The following RPH3AL variants were observed in gnomAD, a reference collection of about 807,000 sequenced individuals.
RPH3AL encodes rab effector Noc2.
In RPH3AL, 38 loss-of-function variants were observed where a neutral mutation model predicts 43.1. That is an observed-to-expected ratio of 0.88 (90% confidence interval 0.68 to 1.15). RPH3AL has a LOEUF of 1.15. RPH3AL is among the 50% of genes most tolerant of loss of function. The pLI is 0.00. For synonymous variants in RPH3AL, 189 were observed against 176.3 expected (o/e 1.07, Z -0.57); for missense variants, 462 against 423.2 (o/e 1.09, Z -0.81).
chr17:285,019 T>C lies in RPH3AL; in HGVS notation c.352-3165A>G, dbSNP rs62052706. 9.9e-5 allele frequency among the ~76,000 whole-genome samples: 15 copies of C among 152,118 alleles called. 1 individual carries two copies. The highest frequency in any genetic ancestry group is 1.6e-4 in the Non-Finnish European group (11 of 68,026). On this transcript the variant is annotated intron_variant, in intron 5 of 9. Transcript: ENST00000331302. ...TCTGATCCCTCCCAAAGCCCCCATCTCCAAATATCACATCTGCGTGACGGC... is the reference window on the plus strand; with the variant it reads ...TCTGATCCCTCCCAAAGCCCCCATCCCCAAATATCACATCTGCGTGACGGC...
In RPH3AL at chr17:213,823, A is replaced by C; in HGVS notation, c.*29T>G. On this transcript the variant is annotated 3_prime_UTR_variant, in exon 10 of 10. Coordinates refer to ENST00000331302, the MANE Select transcript of RPH3AL (RefSeq NM_006987.4). ...GCAGGGTCTGGCAGGAATCCTCCAC[A>C]GGGAAGTCTGTTCCAGGCACCAGAC... is the stretch of plus-strand genomic sequence containing the variant. 6.3e-7 allele frequency: 1 copy of C among 1,595,466 alleles called. No individual in the cohort carries two copies.
intron 5 of RPH3AL, among the ~76,000 whole-genome samples, chr17:292,152 CCCA>C (rs1250958079): frequency 2.0e-5 from 3 of 152,130 alleles, no homozygotes; most frequent in Non-Finnish European, 4.4e-5. Context: ...CCTGTGCACC[CCCA>C]CAGCGGGTCC....
Position 333,159 on chromosome 17 carries a change from CGGG to C in RPH3AL, c.-37+597_-37+599del. 1 of 1,195,460 alleles carries C rather than the reference CGGG, an allele frequency of 8.4e-7. No homozygotes were observed. The highest frequency in any genetic ancestry group is 1.1e-6 in the Non-Finnish European group (1 of 944,720). 74.1% of individuals were successfully genotyped at this position (1,195,460 alleles called of 1,614,324 possible). On this transcript the variant is annotated intron_variant, in intron 2 of 9. Transcript: ENST00000331302. This position sits in a 1 kb window ranked among gnomAD's most constrained non-coding sequence, Gnocchi z 4.5. ...AGACGGCCATTAGAGCTCACCACCC[CGGG>C]CGTTCGTCACTGCAGACATCACTGC...
chr17:257,998 G>A (rs539004029), intron 6 of RPH3AL, among the ~76,000 whole-genome samples: 1 of 152,136 alleles, frequency 6.6e-6, no homozygotes, highest in Admixed American at 6.5e-5. Context: ...GAGGGGAGCC[G>A]CACGGCATCT....
rs59335902 is a variant in RPH3AL at position 323,463 on chromosome 17, C to T, written c.78-2048G>A. Among the ~76,000 whole-genome samples, 1,339 of 152,272 alleles carry T rather than the reference C, an allele frequency of 8.8e-3. 20 individuals are homozygous for T. The highest frequency in any genetic ancestry group is 0.03 in the African/African-American group (1,234 of 41,554). On this transcript the variant is annotated intron_variant, in intron 3 of 9. Coordinates refer to ENST00000331302, the MANE Select transcript of RPH3AL (RefSeq NM_006987.4). This position sits in a 1 kb window ranked among gnomAD's most constrained non-coding sequence, Gnocchi z 4.4. ...TTCAGGCCCCAAAAAGCAATATCCC[C>T]TCCACAACCCCTACCTACTGGTTTG...
rs2044670309 is a variant in RPH3AL at position 328,522 on chromosome 17, A to G, written c.-36-943T>C. ...TCCTCAAAATGTTGAACACAGACTT[A>G]CCATATGACCCAGAAACTCTACTCC... On this transcript the variant is annotated intron_variant, in intron 2 of 9. Transcript: ENST00000331302. This position sits in a 1 kb window ranked among gnomAD's most constrained non-coding sequence, Gnocchi z 4.2. Among the ~76,000 whole-genome samples, 1 of 151,926 alleles carries G rather than the reference A, an allele frequency of 6.6e-6. No homozygotes were observed. Among genetic ancestry groups the G allele is most frequent in the Non-Finnish European group, 1.5e-5 (1 of 67,998 alleles).
intron 7 of RPH3AL, among the ~76,000 whole-genome samples, chr17:237,751 T>C (rs11150893): frequency 0.6 from 90,715 of 152,078 alleles, 27,811 homozygotes; most frequent in African/African-American, 0.73. Flanking sequence ...ATGGTAAAAC[T>C]TCATGAATCC....
At chr17:302,398 C>T (rs72806048) in intron 5 of RPH3AL, among the ~76,000 whole-genome samples, 6,438 of 152,250 alleles carry the variant, frequency 0.042, 205 homozygotes, top group South Asian at 0.094. Flanking sequence ...GTCCGTCCTT[C>T]GATTTACACA....
intron 7 of RPH3AL, among the ~76,000 whole-genome samples, chr17:220,556 G>T (rs200213043): frequency 5.1e-4 from 8 of 15,652 alleles, no homozygotes; most frequent in Non-Finnish European, 6.7e-4. Flanking sequence ...CAGCTCTGAG[G>T]CCTCCACTCA....
At chr17:285,972 T>C (rs1444763860) in intron 5 of RPH3AL, among the ~76,000 whole-genome samples, 1 of 152,178 alleles carries the variant, frequency 6.6e-6, no homozygotes, top group East Asian at 1.9e-4. Flanking sequence ...AGGACACGGA[T>C]GAACAGGGTG....
chr17:277,614 C>G (rs369115456), intron 6 of RPH3AL, among the ~76,000 whole-genome samples: 1 of 152,134 alleles, frequency 6.6e-6, no homozygotes, highest in African/African-American at 2.4e-5. Context: ...ATTCTGTCTC[C>G]GCTTTACTCA....
intron 5 of RPH3AL, among the ~76,000 whole-genome samples, chr17:305,428 T>C (rs912123938): frequency 6.6e-6 from 1 of 152,014 alleles, no homozygotes; most frequent in Non-Finnish European, 1.5e-5. Context: ...TACTCCACCC[T>C]GGAGGCCCAG....
intron 6 of RPH3AL, among the ~76,000 whole-genome samples, chr17:279,101 C>A (rs1257224502): frequency 6.6e-6 from 1 of 152,196 alleles, no homozygotes; most frequent in African/African-American, 2.4e-5. Context: ...ATTTTCATCA[C>A]AGACTCAGAA....
intron 8 of RPH3AL, 21 bp downstream of exon 8, chr17:219,602 G>GC (rs1346673955): frequency 7.3e-7 from 1 of 1,362,220 alleles, no homozygotes; most frequent in Admixed American, 1.9e-5. Flanking sequence ...CCAATAAGCA[G>GC]CATTTCACTC....
At chr17:321,599 GAGACGGCCCAGGTGGCAA>G (rs2044478063) in intron 3 of RPH3AL, 184 bp from the exon 4 acceptor site, 4 of 508,094 alleles carry the variant, frequency 7.9e-6, no homozygotes, top group South Asian at 3.1e-5. Flanking sequence ...GGTGGCAACA[GAGACGGCCCAGGTGGCAA>G]CAGAGACGGC....
Position 281,809 on chromosome 17 carries a change from G to GC in RPH3AL, c.396dup (p.Arg133AlafsTer7). On this transcript the variant is annotated frameshift_variant, in exon 6 of 10. Coordinates refer to ENST00000331302, the MANE Select transcript of RPH3AL (RefSeq NM_006987.4). LOFTEE classifies it high-confidence loss of function. ...CAGATCTTACACAGCCACAGGGGCC[G>GC]CTTCTGGCCAGGGGAGGCCTCGATC... 6.2e-7 allele frequency: 1 copy of GC among 1,614,062 alleles called. No homozygotes were observed. Among genetic ancestry groups the GC allele is most frequent in the Non-Finnish European group, 8.5e-7 (1 of 1,180,010 alleles).
At chr17:236,884 G>A (rs1044854595) in intron 7 of RPH3AL, among the ~76,000 whole-genome samples, 6 of 152,406 alleles carry the variant, frequency 3.9e-5, no homozygotes, top group Admixed American at 3.9e-4. Context: ...GGTTTTGGAA[G>A]CCGGGATCCT....
Position 323,362 on chromosome 17 carries a change from G to C in RPH3AL, c.78-1947C>G, listed in dbSNP as rs1326795911. Among the ~76,000 whole-genome samples the C allele has an allele frequency of 6.6e-6, 1 of 152,184 alleles. No individual in the cohort carries two copies. The highest frequency in any genetic ancestry group is 1.5e-5 in the Non-Finnish European group (1 of 68,032). ...GGGGCAGCAGGGCAGGGCTGGAAGG[G>C]GGGCAAGGCCAGTAGAGTGGGCAGC... On this transcript the variant is annotated intron_variant, in intron 3 of 9. Transcript: ENST00000331302. This position sits in a 1 kb window ranked among gnomAD's most constrained non-coding sequence, Gnocchi z 4.4.
Position 283,232 on chromosome 17 carries a change from G to A in RPH3AL, c.352-1378C>T, listed in dbSNP as rs1170522461. On this transcript the variant is annotated intron_variant, in intron 5 of 9. Coordinates refer to ENST00000331302, the MANE Select transcript of RPH3AL (RefSeq NM_006987.4). This position sits in a 1 kb window ranked among gnomAD's most constrained non-coding sequence, Gnocchi z 4.2. The stretch of plus-strand genomic sequence containing the variant: ...TTCTGCAGGCTGCCAACTCAGCAAG[G>A]AGCACGTCTCTCCATGGAGAGGGAA... Among the ~76,000 whole-genome samples, 1 of 152,164 alleles carries A rather than the reference G, an allele frequency of 6.6e-6. No homozygotes were observed. Among genetic ancestry groups the A allele is most frequent in the African/African-American group, 2.4e-5 (1 of 41,428 alleles).
Sources: gnomAD v4.1 joint callset for allele counts (sites outside exome capture counted in the v4.1 genomes callset) on GRCh38, gnomAD v4.1.1 for gene constraint, Gnocchi (gnomAD v3.1) non-coding constraint, MANE v1.5 for transcripts, NCBI Gene and HGNC (gene_info 2026-07-23, HGNC 2026-07-21) for gene names.